TMEM39A: variants seen among roughly 807,000 people sequenced by gnomAD.
TMEM39A encodes suppressor of SQST-1 aggregates in rpl-43 mutants.
A neutral mutation model predicts 51.9 loss-of-function variants in TMEM39A; 19 were observed. The ratio of observed to expected loss-of-function variants is 0.37; its 90% CI spans 0.26 to 0.54. The LOEUF (loss-of-function observed/expected upper bound fraction) is 0.54, where lower values mean the gene tolerates loss of function less well. TMEM39A is among the 20% of genes least tolerant of loss of function. The pLI is 0.88. For synonymous variants in TMEM39A, 197 were observed against 220.2 expected (o/e 0.89, Z 0.93); for missense variants, 433 against 590.5 (o/e 0.73, Z 2.76).
In TMEM39A at chr3:119,437,992, C is replaced by A. The variant is rs1272112250; in HGVS notation, c.687G>T (p.Ser229=). 1 of 1,614,144 alleles carries A rather than the reference C, an allele frequency of 6.2e-7. No individual in the cohort carries two copies. Among genetic ancestry groups the A allele is most frequent in the Non-Finnish European group, 8.5e-7 (1 of 1,180,028 alleles). The change falls in exon 6 of 9, where the codon TCG becomes TCT. Residue 229 remains serine (S), a synonymous_variant. Transcript: ENST00000319172. The stretch of plus-strand genomic sequence containing the variant: ...TGGATTTGGCCAAGCCTCCCACAGT[C>A]GAGGCACTTTCCTCTACTGCCTCGT... ...VQHEAVEESA[S]TVGGLAKSKD...
At chr3:119,455,484 A>T (rs994092845) in intron 3 of TMEM39A, among the ~76,000 whole-genome samples, 1 of 152,206 alleles carries the variant, frequency 6.6e-6, no homozygotes, top group Non-Finnish European at 1.5e-5. Context: ...TAAAAATGAC[A>T]TTTCCAAACT....
In TMEM39A at chr3:119,432,079, A is replaced by G; in HGVS notation, c.1369T>C (p.Cys457Arg). Residue 457 changes from cysteine (C) to arginine (R), a missense_variant, in exon 9 of 9, where the codon TGC becomes CGC. By Grantham distance (180) the Cys-to-Arg change is radical. Around this residue, in one of 3 missense-constraint regions of TMEM39A, gnomAD observed 223 missense variants for 328.1 expected, o/e 0.68. Transcript: ENST00000319172. ...AGTTTAAATAAAACATAGTAGTTGCAGAAGAGGATGAGAGCCATGGAAAGT... is the reference window on the plus strand; with the variant it reads ...AGTTTAAATAAAACATAGTAGTTGCGGAAGAGGATGAGAGCCATGGAAAGT... Reference protein sequence around the residue: ...HTLSMALILFCNYYVLFKLLR... With the variant: ...HTLSMALILFRNYYVLFKLLR... The G allele has an allele frequency of 6.2e-7, 1 of 1,613,332 alleles. No homozygotes were observed. The highest frequency in any genetic ancestry group is 8.5e-7 in the Non-Finnish European group (1 of 1,179,494).
intron 3 of TMEM39A, among the ~76,000 whole-genome samples, chr3:119,454,164 T>A (rs942133266): frequency 1.8e-4 from 28 of 152,192 alleles, no homozygotes; most frequent in Non-Finnish European, 3.7e-4. Flanking sequence ...TGGGGCAAGA[T>A]CAGTTAAGAA....
intron 2 of TMEM39A, among the ~76,000 whole-genome samples, chr3:119,459,391 G>C (rs1397137688): frequency 2.0e-5 from 3 of 152,194 alleles, no homozygotes; most frequent in African/African-American, 7.2e-5. Context: ...GCAAATGGAT[G>C]AAAGAAGAAA....
chr3:119,437,622 C>A, intron 6 of TMEM39A, 133 bp downstream of exon 6: 1 of 668,234 alleles, frequency 1.5e-6, no homozygotes, highest in Non-Finnish European at 2.5e-6. Flanking sequence ...TAGTGCACTC[C>A]AGATGCAGCC....
rs1273172356 is a variant in TMEM39A, at chr3:119,430,266, G to A, written c.*1715C>T. The A allele has an allele frequency of 6.6e-6, 1 of 152,054 alleles. No homozygotes were observed. Among genetic ancestry groups the A allele is most frequent in the Admixed American group, 6.6e-5 (1 of 15,240 alleles). The allele number at this position is 152,054 out of a possible 1,614,324, so 9.4% of individuals were successfully genotyped here. A position where few individuals can be genotyped will look rare whatever the true frequency, so the allele number is the denominator to read the frequency against. The stretch of plus-strand genomic sequence containing the variant: ...ACTGTAACATGGAATTCTCCCCAAA[G>A]CTATTTATATGATTCAGTCTTGCTT... On this transcript the variant is annotated 3_prime_UTR_variant, in exon 9 of 9. Transcript: ENST00000319172.
chr3:119,435,111 C>T (rs906633680), intron 7 of TMEM39A: 1 of 985,208 alleles, frequency 1.0e-6, no homozygotes, highest in Non-Finnish European at 1.2e-6. Context: ...ATATAGTTAA[C>T]TCAGTGTCAA....
intron 3 of TMEM39A, among the ~76,000 whole-genome samples, chr3:119,455,756 A>G (rs962427617): frequency 3.3e-5 from 5 of 152,234 alleles, no homozygotes; most frequent in African/African-American, 1.2e-4. Context: ...CAGATATGTT[A>G]GATTGGGCAA....
At chr3:119,461,904 T>G in intron 2 of TMEM39A, 58 bp downstream of exon 2, 1 of 1,315,868 alleles carries the variant, frequency 7.6e-7, no homozygotes. Context: ...ATGACTTTTA[T>G]GTTAGTCTTA....
Position 119,458,084 on chromosome 3 carries a change from C to T in TMEM39A, c.270G>A (p.Gln90=). 6.2e-7 allele frequency: 1 copy of T among 1,614,016 alleles called. No individual in the cohort carries two copies. The highest frequency in any genetic ancestry group is 1.1e-5 in the South Asian group (1 of 91,082). The change falls in exon 3 of 9, where the codon CAG becomes CAA. Residue 90 remains glutamine (Q), a synonymous_variant. Coordinates refer to ENST00000319172, the MANE Select transcript of TMEM39A (RefSeq NM_018266.3). ...FIYLLVALFI[Q]YINIYKTVWW... ...ACACTGTTTTATAAATGTTGATGTA[C>T]TGAATGAAAAGAGCAACCAACAGGT...
Position 119,436,791 on chromosome 3 carries a change from A to T in TMEM39A, c.1112T>A (p.Ile371Asn). Reference sequence around the variant, plus strand: ...TGGTTTTACCCTCTAGCTTACTCACATGTGCTGTGGAGCATTGCTGTAGGA... The same window carrying T: ...TGGTTTTACCCTCTAGCTTACTCACTTGTGCTGTGGAGCATTGCTGTAGGA... ...HGSYSNAPQH[I>N]WSENTIWPQG... is the part of the protein sequence containing the mutation. The change falls in exon 7 of 9, where the codon ATT (isoleucine) becomes AAT (asparagine). Residue 371 changes from isoleucine to asparagine, a missense_variant and splice_region_variant. By Grantham distance (149) the Ile-to-Asn change is moderately radical. Transcript: ENST00000319172. 6.2e-7 allele frequency: 1 copy of T among 1,611,028 alleles called. No homozygotes were observed. The highest frequency in any genetic ancestry group is 8.5e-7 in the Non-Finnish European group (1 of 1,177,966).
chr3:119,442,069 G>A (rs565137520), intron 5 of TMEM39A, among the ~76,000 whole-genome samples: 3 of 152,290 alleles, frequency 2.0e-5, no homozygotes, highest in East Asian at 1.9e-4. Flanking sequence ...GGCTGGGTGC[G>A]GTGGCTCACG....
chr3:119,436,012 G>T, intron 7 of TMEM39A: 1 of 1,085,524 alleles, frequency 9.2e-7, no homozygotes, highest in Non-Finnish European at 1.2e-6. Context: ...ACCTCAATCT[G>T]TCCCACTTAA....
At chr3:119,447,311 A>G in intron 4 of TMEM39A, 139 bp from the exon 5 acceptor site, 1 of 754,038 alleles carries the variant, frequency 1.3e-6, no homozygotes. Context: ...AAACTGCCCC[A>G]TCCCACCTTA....
At chr3:119,438,378 A>G (rs138301364) in intron 5 of TMEM39A, among the ~76,000 whole-genome samples, 27 of 152,348 alleles carry the variant, frequency 1.8e-4, no homozygotes, top group Admixed American at 7.2e-4. Context: ...AATCATTTTT[A>G]TAACTAGATG....
At chr3:119,455,253 T>C (rs1055136585) in intron 3 of TMEM39A, among the ~76,000 whole-genome samples, 1 of 152,218 alleles carries the variant, frequency 6.6e-6, no homozygotes, top group Non-Finnish European at 1.5e-5. Flanking sequence ...GGAAATAACT[T>C]GATCTCCGGC....
chr3:119,449,527 G>A lies in TMEM39A; in HGVS notation c.421-2355C>T, dbSNP rs929709260. Among the ~76,000 whole-genome samples the A allele has an allele frequency of 1.3e-4, 20 of 151,860 alleles. No individual in the cohort carries two copies. The East Asian group carries it at 3.1e-3, about 24-fold the overall frequency. On this transcript the variant is annotated intron_variant, in intron 4 of 8. Coordinates refer to ENST00000319172, the MANE Select transcript of TMEM39A (RefSeq NM_018266.3). ...AGTAATCCCAGCTACTTGGGAGGCC[G>A]AGGCAGGAGAATCGCTTGAACCAAG...
chr3:119,446,016 G>GT (rs980880738), intron 5 of TMEM39A, among the ~76,000 whole-genome samples: 4 of 152,082 alleles, frequency 2.6e-5, no homozygotes, highest in African/African-American at 9.7e-5. Context: ...CATACACTAT[G>GT]TTTTTTCCTA....
intron 3 of TMEM39A, among the ~76,000 whole-genome samples, chr3:119,455,558 T>G (rs189884658): frequency 6.6e-6 from 1 of 152,236 alleles, no homozygotes; most frequent in East Asian, 1.9e-4. Context: ...ATATAAAACT[T>G]GAATAGAAGT....
Sources: allele counts gnomAD v4.1 joint callset (sites outside exome capture counted in the v4.1 genomes callset), GRCh38; gene constraint gnomAD v4.1.1; regional missense constraint gnomAD v4.1.1; transcripts MANE v1.5; gene names NCBI Gene and HGNC (gene_info 2026-07-23, HGNC 2026-07-21).